The following PTPRD variants were observed in gnomAD, a reference collection of about 807,000 sequenced individuals.
The protein encoded by PTPRD is receptor-type tyrosine-protein phosphatase delta.
Under a neutral mutation model 214.5 loss-of-function variants are expected in PTPRD, and 34 were observed. The ratio of observed to expected loss-of-function variants is 0.16; its 90% CI spans 0.12 to 0.21. The LOEUF is 0.21. Ranked by LOEUF, PTPRD falls within the 10% of genes least tolerant of loss-of-function variation. The pLI, the probability that PTPRD is intolerant of heterozygous loss-of-function variation, is 1.00. For synonymous variants in PTPRD, 1,128 were observed against 845.7 expected (o/e 1.33, Z -5.79); for missense variants, 2,545 against 2,398.7 (o/e 1.06, Z -1.27).
At chr9:10,338,031 G>A (rs1460885497) in intron 3 of PTPRD, among the ~76,000 whole-genome samples, 1 of 151,344 alleles carries the variant, frequency 6.6e-6, no homozygotes, top group African/African-American at 2.4e-5. Context: ...TCCATATCAG[G>A]TATTAAAGAG....
chr9:9,865,140 T>C (rs1336974935), intron 5 of PTPRD, among the ~76,000 whole-genome samples: 1 of 152,218 alleles, frequency 6.6e-6, no homozygotes, highest in Admixed American at 6.5e-5. Flanking sequence ...AGTTTATGTA[T>C]GCATTGGGAT....
At chr9:8,429,084 C>T (rs2094880384) in intron 35 of PTPRD, among the ~76,000 whole-genome samples, 1 of 152,134 alleles carries the variant, frequency 6.6e-6, no homozygotes, top group South Asian at 2.1e-4. Context: ...TGGGTTTTCC[C>T]AGGAATAGTC....
At chr9:9,023,615 G>C (rs959241231) in intron 10 of PTPRD, among the ~76,000 whole-genome samples, 1 of 151,934 alleles carries the variant, frequency 6.6e-6, no homozygotes, top group Non-Finnish European at 1.5e-5. Flanking sequence ...TCCAGCTAGT[G>C]AGTATAGTAC....
At chr9:9,123,354 T>C (rs1392153346) in intron 10 of PTPRD, among the ~76,000 whole-genome samples, 1 of 152,130 alleles carries the variant, frequency 6.6e-6, no homozygotes, top group Non-Finnish European at 1.5e-5. Flanking sequence ...CCTTTCCAGT[T>C]CTCCTTAGGC....
chr9:9,975,025 G>A (rs777946305), intron 4 of PTPRD, among the ~76,000 whole-genome samples: 1 of 151,190 alleles, frequency 6.6e-6, no homozygotes, highest in Non-Finnish European at 1.5e-5. Flanking sequence ...CTCAAAATTT[G>A]AGATTTTCTA....
chr9:9,528,865 T>C (rs117889498), intron 8 of PTPRD, among the ~76,000 whole-genome samples: 2,399 of 151,732 alleles, frequency 0.016, 36 homozygotes, highest in Admixed American at 0.026. Flanking sequence ...ATTGAAAATA[T>C]AAAATTTATA....
rs2099825819 is a variant in PTPRD at position 9,124,950 on chromosome 9, AAG to A, written c.-143+58352_-143+58353del. 4.6e-5 allele frequency among the ~76,000 whole-genome samples: 7 copies of A among 152,300 alleles called. No homozygotes were observed. The South Asian group carries it at 1.4e-3, about 32-fold the overall frequency. Reference sequence around the variant, plus strand: ...CACTATTTTGTTAACTCGTTATAACAAGAGACTGCTGTATTGAGCAACTGGTT... The same window carrying A: ...CACTATTTTGTTAACTCGTTATAACAAGACTGCTGTATTGAGCAACTGGTT... On this transcript the variant is annotated intron_variant, in intron 10 of 45. Transcript: ENST00000381196.
intron 14 of PTPRD, among the ~76,000 whole-genome samples, chr9:8,598,075 T>C (rs955915390): frequency 6.6e-6 from 1 of 152,130 alleles, no homozygotes. Context: ...TAAATATGCA[T>C]GGAGAAAAGC....
At chr9:8,666,608 T>C (rs1042864094) in intron 12 of PTPRD, among the ~76,000 whole-genome samples, 3 of 152,172 alleles carry the variant, frequency 2.0e-5, no homozygotes, top group African/African-American at 4.8e-5. Flanking sequence ...TCTAAGACAA[T>C]TGGAAGAGAA....
At chr9:10,054,845 T>C (rs1467291689) in intron 3 of PTPRD, among the ~76,000 whole-genome samples, 1 of 152,112 alleles carries the variant, frequency 6.6e-6, no homozygotes, top group African/African-American at 2.4e-5. Context: ...ACTGAATGTT[T>C]TTGTCCCCTC....
intron 2 of PTPRD, among the ~76,000 whole-genome samples, chr9:10,485,911 G>A (rs1008763769): frequency 1.3e-5 from 2 of 151,934 alleles, no homozygotes; most frequent in African/African-American, 4.8e-5. Context: ...GAATTTCTGT[G>A]GTATCAGTTG....
chr9:9,785,041 C>G (rs768333148), intron 5 of PTPRD, among the ~76,000 whole-genome samples: 2 of 150,846 alleles, frequency 1.3e-5, no homozygotes, highest in Non-Finnish European at 3.0e-5. Context: ...TCTAGTCCAA[C>G]CTAGCTAGAG....
At chr9:9,913,405 A>C (rs865819700) in intron 5 of PTPRD, among the ~76,000 whole-genome samples, 55 of 152,202 alleles carry the variant, frequency 3.6e-4, no homozygotes, top group African/African-American at 1.3e-3. Flanking sequence ...ATAGGGAAAA[A>C]AAAACAAAAC....
At chr9:8,694,929 A>T (rs181007455) in intron 12 of PTPRD, among the ~76,000 whole-genome samples, 6 of 152,308 alleles carry the variant, frequency 3.9e-5, no homozygotes, top group Admixed American at 2.6e-4. Flanking sequence ...TATCCGTCAA[A>T]ATATTTTGGG....
At chr9:9,987,712 T>G (rs550899290) in intron 4 of PTPRD, among the ~76,000 whole-genome samples, 1 of 152,346 alleles carries the variant, frequency 6.6e-6, no homozygotes, top group East Asian at 1.9e-4. Context: ...TTGGTTTACC[T>G]TAAAGATTTA....
chr9:9,668,048 A>G lies in PTPRD; in HGVS notation c.-287+66485T>C, dbSNP rs559841828. On this transcript the variant is annotated intron_variant, in intron 7 of 45. Transcript: ENST00000381196. Reference sequence around the variant, plus strand: ...ATTTTCAAATTCAAAATCAGAGCTAAAATCATAGATTGCCCTCATCCCACC... The same window carrying G: ...ATTTTCAAATTCAAAATCAGAGCTAGAATCATAGATTGCCCTCATCCCACC... Among the ~76,000 whole-genome samples, 434 of 152,266 alleles carry G rather than the reference A, an allele frequency of 2.9e-3. 2 individuals carry two copies. The highest frequency in any genetic ancestry group is 9.9e-3 in the African/African-American group (410 of 41,556).
At chr9:9,927,158 A>G (rs1417754342) in intron 5 of PTPRD, among the ~76,000 whole-genome samples, 1 of 152,174 alleles carries the variant, frequency 6.6e-6, no homozygotes, top group Admixed American at 6.5e-5. Context: ...GTATTTCTAT[A>G]TTAGAATATT....
intron 9 of PTPRD, among the ~76,000 whole-genome samples, chr9:9,284,082 G>A (rs2133753276): frequency 6.6e-6 from 1 of 151,616 alleles, no homozygotes; most frequent in East Asian, 2.0e-4. Context: ...AAACATTATT[G>A]GTGTTCTTAG....
At chr9:9,892,340 G>C (rs1022366216) in intron 5 of PTPRD, among the ~76,000 whole-genome samples, 1 of 152,130 alleles carries the variant, frequency 6.6e-6, no homozygotes, top group Non-Finnish European at 1.5e-5. Flanking sequence ...TTCAGAAGAA[G>C]AGCAATCCAT....
Sources: allele counts gnomAD v4.1 joint callset (sites outside exome capture counted in the v4.1 genomes callset), GRCh38; gene constraint gnomAD v4.1.1; transcripts MANE v1.5; gene names NCBI Gene and HGNC (gene_info 2026-07-23, HGNC 2026-07-21).